PBLD: variants seen among roughly 807,000 people sequenced by gnomAD.
The protein encoded by PBLD is phenazine biosynthesis-like domain-containing protein.
In PBLD, 26 loss-of-function variants were observed where a neutral mutation model predicts 31.3. The observed-to-expected ratio is 0.83, with a 90% CI of 0.61 to 1.15. The LOEUF (loss-of-function observed/expected upper bound fraction) is 1.15. PBLD is among the 50% of genes most tolerant of loss of function. The pLI is 0.00. For missense variants in PBLD, 307 were observed against 351.7 expected (o/e 0.87, Z 1.02); for synonymous variants, 114 against 129.0 (o/e 0.88, Z 0.79).
At chr10:68,294,657 G>A (rs2044401285) in intron 4 of PBLD, among the ~76,000 whole-genome samples, 1 of 152,224 alleles carries the variant, frequency 6.6e-6, no homozygotes. Flanking sequence ...GCTCCCCACG[G>A]ATTTGGCCTA....
chr10:68,319,108 A>AAAGAAAGAAAGG (rs1554860635), intron 1 of PBLD, among the ~76,000 whole-genome samples: 4 of 132,316 alleles, frequency 3.0e-5, no homozygotes, highest in South Asian at 2.6e-4. Context: ...AGAAAGAAAG[A>AAAGAAAGAAAGG]AAGGAAAAAG....
At chr10:68,312,074 A>G (rs547420163) in intron 1 of PBLD, among the ~76,000 whole-genome samples, 1 of 152,360 alleles carries the variant, frequency 6.6e-6, no homozygotes, top group South Asian at 2.1e-4. Flanking sequence ...CCATCTGTAT[A>G]CCACATTTTC....
intron 1 of PBLD, among the ~76,000 whole-genome samples, chr10:68,323,607 G>A (rs915812906): frequency 6.6e-6 from 1 of 152,114 alleles, no homozygotes; most frequent in African/African-American, 2.4e-5. Flanking sequence ...CAGCTAAGCT[G>A]CCCCAAGATT....
chr10:68,288,738 A>G, intron 7 of PBLD, 77 bp from the exon 8 acceptor site: 1 of 1,495,210 alleles, frequency 6.7e-7, no homozygotes, highest in Non-Finnish European at 9.2e-7. Context: ...GAAGCAGGCC[A>G]GGGTGCAGCT....
At chr10:68,289,097 C>G in intron 6 of PBLD, 78 bp from the exon 7 acceptor site, 1 of 1,091,614 alleles carries the variant, frequency 9.2e-7, no homozygotes, top group South Asian at 1.3e-5. Context: ...GAAATGACCT[C>G]TCATTGAGCA....
intron 2 of PBLD, among the ~76,000 whole-genome samples, chr10:68,303,471 T>C (rs900708121): frequency 1.6e-4 from 25 of 151,944 alleles, no homozygotes; most frequent in Non-Finnish European, 1.9e-4. Context: ...ATGTATAGTG[T>C]TATATGTTGT....
At chr10:68,317,090 G>A (rs192909021) in intron 1 of PBLD, among the ~76,000 whole-genome samples, 3 of 152,238 alleles carry the variant, frequency 2.0e-5, no homozygotes, top group Non-Finnish European at 4.4e-5. Context: ...CCTTCAATAA[G>A]ATTAACAGCT....
intron 8 of PBLD, 32 bp from the exon 9 acceptor site, chr10:68,285,442 C>A: frequency 6.4e-7 from 1 of 1,571,870 alleles, no homozygotes. Context: ...GGAGACAATC[C>A]CCAAGAAAAC....
At chr10:68,312,702 C>G (rs7905769) in intron 1 of PBLD, among the ~76,000 whole-genome samples, 4 of 146,940 alleles carry the variant, frequency 2.7e-5, no homozygotes, top group Non-Finnish European at 4.5e-5. Context: ...CTCCGCCTCC[C>G]GGGTTCACGC....
At chr10:68,297,877 C>T (rs1435591980) in intron 2 of PBLD, among the ~76,000 whole-genome samples, 7 of 150,646 alleles carry the variant, frequency 4.6e-5, no homozygotes, top group South Asian at 4.2e-4. Flanking sequence ...GAGGCTGAGG[C>T]GGGAGGACAG....
intron 1 of PBLD, among the ~76,000 whole-genome samples, chr10:68,322,863 T>A (rs1260336456): frequency 6.6e-6 from 1 of 151,674 alleles, no homozygotes. Context: ...GCCTCTCCAT[T>A]AACTGGGACT....
intron 3 of PBLD, 60 bp downstream of exon 3, chr10:68,296,826 G>C: frequency 7.2e-7 from 1 of 1,393,874 alleles, no homozygotes; most frequent in Non-Finnish European, 1.0e-6. Context: ...TCAAGATCAT[G>C]CCACTGCACT....
intron 1 of PBLD, among the ~76,000 whole-genome samples, chr10:68,317,617 G>A (rs748818755): frequency 6.6e-6 from 1 of 151,926 alleles, no homozygotes; most frequent in Non-Finnish European, 1.5e-5. Flanking sequence ...GCAACATGGT[G>A]AAACCCTGTC....
In PBLD at chr10:68,292,184, C is replaced by T. The variant is rs770508760; in HGVS notation, c.338G>A (p.Arg113Lys). ...CAGGACGATGCCATCCTCTGCTCGT[C>T]TGGCCCTTAGTTCTCCACTCAGAGT... is the stretch of plus-strand genomic sequence containing the variant. ...FVTLSGELRA[R>K]RAEDGIVLDL... is the part of the protein sequence containing the mutation. The change falls in exon 5 of 10, where the codon AGA becomes AAA. Residue 113 changes from arginine to lysine, a missense_variant. Coordinates refer to ENST00000358769, the MANE Select transcript of PBLD (RefSeq NM_022129.4). The T allele has an allele frequency of 1.2e-6, 2 of 1,613,842 alleles. No individual in the cohort carries two copies. The highest frequency in any genetic ancestry group is 1.7e-6 in the Non-Finnish European group (2 of 1,180,042).
chr10:68,330,430 G>C (rs1229878397), intron 1 of PBLD, among the ~76,000 whole-genome samples: 1 of 152,108 alleles, frequency 6.6e-6, no homozygotes, highest in Non-Finnish European at 1.5e-5. Context: ...AAGTCTTTTG[G>C]CCGGACATTG....
chr10:68,302,381 C>T (rs1445575260), intron 2 of PBLD, among the ~76,000 whole-genome samples: 2 of 152,216 alleles, frequency 1.3e-5, no homozygotes, highest in African/African-American at 2.4e-5. Flanking sequence ...TTTTAAAATA[C>T]TCCCATCTTG....
intron 1 of PBLD, among the ~76,000 whole-genome samples, chr10:68,318,037 A>C (rs529416216): frequency 8.2e-4 from 125 of 152,066 alleles, no homozygotes; most frequent in Middle Eastern, 3.4e-3. Flanking sequence ...ACCATCCTGG[A>C]TAACACAGGG....
At chr10:68,308,332 T>G (rs1442792408) in intron 1 of PBLD, among the ~76,000 whole-genome samples, 1 of 152,232 alleles carries the variant, frequency 6.6e-6, no homozygotes, top group South Asian at 2.1e-4. Context: ...TGATCAAACC[T>G]GTTAAATGTA....
At chr10:68,322,486 T>A (rs1172327225) in intron 1 of PBLD, among the ~76,000 whole-genome samples, 1 of 146,072 alleles carries the variant, frequency 6.8e-6, no homozygotes, top group Non-Finnish European at 1.5e-5. Flanking sequence ...CATAGAGAGA[T>A]CTCATCTCGA....
Sources: gnomAD v4.1 joint callset for allele counts (sites outside exome capture counted in the v4.1 genomes callset) on GRCh38, gnomAD v4.1.1 for gene constraint, MANE v1.5 for transcripts, NCBI Gene and HGNC (gene_info 2026-07-23, HGNC 2026-07-21) for gene names.